Variants in MTIF3 observed in about 807,000 individuals in gnomAD.
MTIF3 encodes the protein translation initiation factor IF-3, mitochondrial.
MTIF3 carries 13 observed loss-of-function variants against 20.7 expected under a neutral mutation model. That is an observed-to-expected ratio of 0.63 (90% CI 0.41 to 1.00). The LOEUF (loss-of-function observed/expected upper bound fraction) is 1.00. Among genes scored for constraint, MTIF3 ranks in the 50% least tolerant of loss-of-function variants. MTIF3 has a pLI of 0.00. For synonymous variants in MTIF3, 114 were observed against 112.5 expected (o/e 1.01, Z -0.08); for missense variants, 295 against 324.5 (o/e 0.91, Z 0.70).
At chr13:27,438,251 G>A (rs571415639) in intron 3 of MTIF3, among the ~76,000 whole-genome samples, 2 of 145,432 alleles carry the variant, frequency 1.4e-5, no homozygotes, top group East Asian at 4.1e-4. Flanking sequence ...ACTTTGGGAG[G>A]CTGAAGCAGG....
chr13:27,439,357 G>T (rs986490708), intron 3 of MTIF3, among the ~76,000 whole-genome samples: 1 of 152,146 alleles, frequency 6.6e-6, no homozygotes. Context: ...TTAGCCGGGC[G>T]TGGTGGCGGG....
At chr13:27,449,392 A>G (rs561189856) in intron 1 of MTIF3, among the ~76,000 whole-genome samples, 1 of 115,704 alleles carries the variant, frequency 8.6e-6, no homozygotes, top group South Asian at 2.7e-4. Context: ...CTCACCTTAA[A>G]TAAAACTGCC....
chr13:27,447,198 C>CAAAAAAAAAA (rs533396868), intron 1 of MTIF3, among the ~76,000 whole-genome samples: 1 of 84,162 alleles, frequency 1.2e-5, no homozygotes, highest in Non-Finnish European at 2.2e-5. Flanking sequence ...TGGGTTAGGC[C>CAAAAAAAAAA]AAAAAAAAAA....
chr13:27,440,403 A>T lies in MTIF3; in HGVS notation c.46T>A (p.Ser16Thr), dbSNP rs147146301. 2.5e-6 allele frequency: 4 copies of T among 1,613,772 alleles called. No individual in the cohort carries two copies. The highest frequency in any genetic ancestry group is 3.4e-6 in the Non-Finnish European group (4 of 1,179,916). ...AAACATCTAATGCAACTATTTTCAG[A>T]CTTTACAGTTTGTAGTGTTAACCTC... is the stretch of plus-strand genomic sequence containing the variant. ...LKRLTLQTVK[S>T]ENSCIRCFGK... The change falls in exon 3 of 5, where the codon TCT (serine) becomes ACT (threonine). Residue 16 changes from serine to threonine, a missense_variant. Coordinates refer to ENST00000381120, the MANE Select transcript of MTIF3 (RefSeq NM_152912.5).
chr13:27,437,337 A>C (rs748258959), intron 3 of MTIF3, 64 bp from the exon 4 acceptor site: 1 of 1,436,712 alleles, frequency 7.0e-7, no homozygotes, highest in Non-Finnish European at 9.4e-7. Flanking sequence ...TGAACTTCCC[A>C]ACATGCCCAT....
chr13:27,437,452 T>C (rs1953824629), intron 3 of MTIF3, among the ~76,000 whole-genome samples, 179 bp from the exon 4 acceptor site: 1 of 152,338 alleles, frequency 6.6e-6, no homozygotes, highest in South Asian at 2.1e-4. Flanking sequence ...AAGGTACCAA[T>C]TTTTTACCTG....
At position 27,435,857 on chromosome 13, in the gene MTIF3, C is replaced by T. The variant is rs1224683847; in HGVS notation, c.655G>A (p.Gly219Arg). The change falls in exon 5 of 5, where the codon GGA (glycine) becomes AGA (arginine). Residue 219 changes from glycine (G) to arginine (R), a missense_variant. Coordinates refer to ENST00000381120, the MANE Select transcript of MTIF3 (RefSeq NM_152912.5). ...GGCCTAGATGAGAATGTAGCTATTCCAGGCATAGTCTGGAGTATTTGATGA... is the reference window on the plus strand; with the variant it reads ...GGCCTAGATGAGAATGTAGCTATTCTAGGCATAGTCTGGAGTATTTGATGA... ...IFHQILQTMP[G>R]IATFSSRPQA... 4 of 1,613,652 alleles carry T rather than the reference C, an allele frequency of 2.5e-6. No homozygotes were observed. Among genetic ancestry groups the T allele is most frequent in the Admixed American group, 1.7e-5 (1 of 59,992 alleles).
At chr13:27,437,401 C>G (rs998630931) in intron 3 of MTIF3, 128 bp from the exon 4 acceptor site, 67 of 795,748 alleles carry the variant, frequency 8.4e-5, no homozygotes, top group Non-Finnish European at 5.2e-5. Flanking sequence ...TTCAGTTTCA[C>G]AGACCAGTAA....
intron 1 of MTIF3, among the ~76,000 whole-genome samples, chr13:27,446,950 G>A (rs1028548330): frequency 1.3e-5 from 2 of 152,078 alleles, no homozygotes; most frequent in Non-Finnish European, 2.9e-5. Flanking sequence ...ATTCGTCCAT[G>A]TAATGAAAAA....
In MTIF3 at chr13:27,437,114, A is replaced by G. The variant is rs771138000; in HGVS notation, c.618+2T>C. On this transcript the variant is annotated splice_donor_variant, in intron 4 of 4. Coordinates refer to ENST00000381120, the MANE Select transcript of MTIF3 (RefSeq NM_152912.5). LOFTEE classifies it high-confidence loss of function. ...GCAGTGGCTTGTACCTTCTTTACTT[A>G]CCATTTCATTTTCTGACACGTCTAC... The G allele has an allele frequency of 3.1e-6, 5 of 1,613,110 alleles. No homozygotes were observed. Among genetic ancestry groups the G allele is most frequent in the African/African-American group, 2.7e-5 (2 of 74,834 alleles).
intron 1 of MTIF3, among the ~76,000 whole-genome samples, chr13:27,446,079 C>T (rs1201805796): frequency 6.6e-6 from 1 of 151,222 alleles, no homozygotes; most frequent in Non-Finnish European, 1.5e-5. Flanking sequence ...TTTTTTGAGA[C>T]AGGTTCTCAC....
At chr13:27,442,238 A>G (rs1471115350) in intron 2 of MTIF3, among the ~76,000 whole-genome samples, 1 of 152,140 alleles carries the variant, frequency 6.6e-6, no homozygotes, top group East Asian at 1.9e-4. Flanking sequence ...TACCAACGTT[A>G]TCCTTGACTC....
At position 27,437,136 on chromosome 13, in the gene MTIF3, C is replaced by T. The variant is rs1171138088; in HGVS notation, c.598G>A (p.Asp200Asn). The part of the protein sequence containing the change: ...QITIKKGKNV[D>N]VSENEMEEIF... ...CTTACCATTTCATTTTCTGACACGT[C>T]TACATTTTTTCCTTTCTTTATGGTA... Residue 200 changes from aspartate (D) to asparagine (N), a missense_variant, in exon 4 of 5, where the codon GAC becomes AAC. Coordinates refer to ENST00000381120, the MANE Select transcript of MTIF3 (RefSeq NM_152912.5). The T allele has an allele frequency of 2.5e-6, 4 of 1,613,668 alleles. No homozygotes were observed. The highest frequency in any genetic ancestry group is 3.4e-6 in the Non-Finnish European group (4 of 1,179,896).
chr13:27,438,576 G>C (rs1030482887), intron 3 of MTIF3, among the ~76,000 whole-genome samples: 1 of 146,392 alleles, frequency 6.8e-6, no homozygotes, highest in African/African-American at 2.5e-5. Context: ...CTTCACTGCA[G>C]CCTTTGCCTC....
chr13:27,446,936 T>C (rs1344814670), intron 1 of MTIF3, among the ~76,000 whole-genome samples: 1 of 152,124 alleles, frequency 6.6e-6, no homozygotes, highest in Non-Finnish European at 1.5e-5. Context: ...TTCACCACTA[T>C]ATAATTCGTC....
intron 2 of MTIF3, among the ~76,000 whole-genome samples, chr13:27,442,943 T>C (rs1045724710): frequency 6.6e-6 from 1 of 152,250 alleles, no homozygotes; most frequent in Non-Finnish European, 1.5e-5. Flanking sequence ...TGTTCACTGC[T>C]GTGTTCCCCG....
chr13:27,440,075 G>A lies in MTIF3; in HGVS notation c.374C>T (p.Pro125Leu), dbSNP rs1161187790. 8 of 1,614,052 alleles carry A rather than the reference G, an allele frequency of 5.0e-6. No individual in the cohort carries two copies. The highest frequency in any genetic ancestry group is 5.9e-6 in the Non-Finnish European group (7 of 1,180,018). ...TCCTGTCATGAGCTGATACTCTGCAGGTTCTGTGCTGGTGTTCCTTTGAAC... is the reference window on the plus strand; with the variant it reads ...TCCTGTCATGAGCTGATACTCTGCAAGTTCTGTGCTGGTGTTCCTTTGAAC... ...RLVQRNTSTE[P>L]AEYQLMTGLQ... Residue 125 changes from proline to leucine, a missense_variant, in exon 3 of 5, where the codon CCT becomes CTT. By Grantham distance (98) the Pro-to-Leu change is moderately conservative. Transcript: ENST00000381120.
intron 1 of MTIF3, chr13:27,450,170 G>A (rs957812568): frequency 1.3e-5 from 2 of 152,310 alleles, no homozygotes; most frequent in Non-Finnish European, 2.9e-5. Flanking sequence ...GGAGCGCCAG[G>A]GCTAGAGACG....
At chr13:27,444,701 G>C (rs1313723995) in intron 2 of MTIF3, among the ~76,000 whole-genome samples, 4 of 152,134 alleles carry the variant, frequency 2.6e-5, no homozygotes, top group African/African-American at 9.7e-5. Flanking sequence ...AACCATCCAG[G>C]AATGCTTTCA....
Sources: allele counts gnomAD v4.1 joint callset (sites outside exome capture counted in the v4.1 genomes callset), GRCh38; gene constraint gnomAD v4.1.1; transcripts MANE v1.5; gene names NCBI Gene and HGNC (gene_info 2026-07-23, HGNC 2026-07-21).